Variants in TENM1 observed in about 807,000 individuals in gnomAD.
The protein encoded by TENM1 is teneurin transmembrane protein 1.
Under a neutral mutation model 174.8 loss-of-function variants are expected in TENM1, and 35 were observed. The observed-to-expected ratio is 0.20, with a 90% CI of 0.15 to 0.27. TENM1 has a LOEUF of 0.27. Among genes scored for constraint, TENM1 ranks in the 10% least tolerant of loss-of-function variants. TENM1 has a pLI of 1.00. For missense variants in TENM1, 1,633 were observed against 2,130.1 expected (o/e 0.77, Z 4.59); for synonymous variants, 781 against 798.7 (o/e 0.98, Z 0.37).
chrX:124,918,470 G>A (rs1056558642), intron 1 of TENM1, among the ~76,000 whole-genome samples: 2 of 109,504 alleles, frequency 1.8e-5, no homozygotes, highest in African/African-American at 3.3e-5. Flanking sequence ...TTGAGCCATC[G>A]CGCCCAGCCG....
chrX:124,752,290 C>G (rs1220218017), intron 3 of TENM1, among the ~76,000 whole-genome samples: 2 of 111,941 alleles, frequency 1.8e-5, no homozygotes, highest in Non-Finnish European at 3.8e-5. Flanking sequence ...TAAATGTCTT[C>G]TTTTGAGAAG....
chrX:124,394,451 A>G (rs2060312591), intron 27 of TENM1, among the ~76,000 whole-genome samples: 1 of 112,155 alleles, frequency 8.9e-6, no homozygotes, highest in Non-Finnish European at 1.9e-5. Flanking sequence ...ATCCTGGTTC[A>G]GAAAGAGTTT....
intron 9 of TENM1, 84 bp downstream of exon 12, chrX:124,646,625 C>A: frequency 1.5e-6 from 1 of 688,389 alleles, no homozygotes; most frequent in Non-Finnish European, 2.2e-6. Context: ...ACTAATGTTA[C>A]TTACTATGAC....
chrX:124,577,349 C>G (rs189860702), intron 11 of TENM1, among the ~76,000 whole-genome samples: 1 of 110,909 alleles, frequency 9.0e-6, no homozygotes, highest in Non-Finnish European at 1.9e-5. Flanking sequence ...GACCATGCAC[C>G]AACAGTTTAT....
chrX:124,953,486 GATT>G (rs2058522730), intron 1 of TENM1, among the ~76,000 whole-genome samples: 3 of 111,475 alleles, frequency 2.7e-5, no homozygotes, highest in African/African-American at 9.8e-5. Flanking sequence ...TATCTATTCA[GATT>G]ATCTTACTGA....
At chrX:124,880,709 G>GT (rs112145859) in intron 3 of TENM1, among the ~76,000 whole-genome samples, 2,641 of 111,179 alleles carry the variant, frequency 0.024, 75 homozygotes, top group African/African-American at 0.082. Context: ...TCTATGCCTT[G>GT]TTTTTTGAGA....
At chrX:124,641,679 C>G in intron 11 of TENM1, 112 bp downstream of exon 14, 1 of 688,595 alleles carries the variant, frequency 1.5e-6, no homozygotes, top group Non-Finnish European at 2.3e-6. Flanking sequence ...ACCTGGAAAC[C>G]TCTTAGGACT....
At chrX:124,548,456 C>CA (rs1366223285) in intron 14 of TENM1, among the ~76,000 whole-genome samples, 1 of 111,449 alleles carries the variant, frequency 9.0e-6, no homozygotes, top group Non-Finnish European at 1.9e-5. Context: ...CTTATACTAG[C>CA]AAAAATGTAA....
intron 1 of TENM1, among the ~76,000 whole-genome samples, chrX:124,932,228 T>A (rs902804076): frequency 8.9e-6 from 1 of 112,011 alleles, no homozygotes; most frequent in Admixed American, 9.5e-5. Context: ...CAATATTTTG[T>A]CCTGCCTTGT....
chrX:125,095,488 AAATT>A, the TENM1 span, among the ~76,000 whole-genome samples: 83 of 112,123 alleles, frequency 7.4e-4, no homozygotes, highest in African/African-American at 2.5e-3. Context: ...AGTTATAGAA[AAATT>A]AATTAATACA....
chrX:124,583,542 C>T (rs2049392966), intron 11 of TENM1, among the ~76,000 whole-genome samples: 1 of 110,712 alleles, frequency 9.0e-6, no homozygotes, highest in African/African-American at 3.3e-5. Context: ...CTGTACATCA[C>T]CATCATCAAA....
chrX:124,426,880 T>G (rs1425340087), intron 23 of TENM1, among the ~76,000 whole-genome samples: 5 of 112,018 alleles, frequency 4.5e-5, no homozygotes, highest in Non-Finnish European at 9.4e-5. Context: ...CACGTCTGTC[T>G]GAGGCCTTTG....
chrX:124,575,457 T>A (rs2049146828), intron 11 of TENM1, among the ~76,000 whole-genome samples: 1 of 111,897 alleles, frequency 8.9e-6, no homozygotes. Flanking sequence ...ACAAGCAGCA[T>A]AACAACAGCG....
intron 4 of TENM1, among the ~76,000 whole-genome samples, chrX:124,735,763 A>T (rs1443520994): frequency 3.6e-5 from 4 of 112,029 alleles, no homozygotes; most frequent in African/African-American, 1.3e-4. Context: ...CCTTAAAAAA[A>T]AATCATGTTT....
chrX:125,123,307 G>A, the TENM1 span, among the ~76,000 whole-genome samples: 1 of 110,499 alleles, frequency 9.0e-6, no homozygotes, highest in African/African-American at 3.3e-5. Flanking sequence ...AACCAAGGTT[G>A]GGTGTGGTGG....
chrX:124,891,073 G>C (rs141861406), intron 3 of TENM1, among the ~76,000 whole-genome samples: 1 of 111,359 alleles, frequency 9.0e-6, no homozygotes, highest in East Asian at 2.8e-4. Flanking sequence ...TCTTCTTACT[G>C]ATTTGTGGGA....
the TENM1 span, among the ~76,000 whole-genome samples, chrX:125,019,174 T>A: frequency 2.7e-5 from 3 of 111,323 alleles, no homozygotes; most frequent in Admixed American, 2.9e-4. Context: ...TGGAAAAGCT[T>A]ATAACCAAAA....
At chrX:125,203,408 T>C in the TENM1 span, among the ~76,000 whole-genome samples, 1 of 112,246 alleles carries the variant, frequency 8.9e-6, no homozygotes, top group Non-Finnish European at 1.9e-5. Flanking sequence ...TTAGAGTGAC[T>C]GGGCTCTGCG....
At chrX:124,606,475 G>A (rs2050159924) in intron 11 of TENM1, among the ~76,000 whole-genome samples, 1 of 111,530 alleles carries the variant, frequency 9.0e-6, no homozygotes, top group African/African-American at 3.3e-5. Context: ...TGTGACATTG[G>A]ACAAGACTTA....
Sources: gnomAD v4.1 joint callset for allele counts (sites outside exome capture counted in the v4.1 genomes callset) on GRCh38, gnomAD v4.1.1 for gene constraint, MANE v1.5 for transcripts, NCBI Gene and HGNC (gene_info 2026-07-23, HGNC 2026-07-21) for gene names.